Variants in GRAP2 observed in about 807,000 individuals in gnomAD.
GRAP2 encodes the protein GRB2 related adaptor protein 2.
Under a neutral mutation model 43.5 loss-of-function variants are expected in GRAP2, and 31 were observed. That is an observed-to-expected ratio of 0.71 (90% confidence interval 0.54 to 0.96). The LOEUF (loss-of-function observed/expected upper bound fraction) is 0.96, where lower values mean the gene tolerates loss of function less well. Ranked by LOEUF, GRAP2 falls within the 40% of genes least tolerant of loss-of-function variation. GRAP2 has a pLI of 0.00. For missense variants in GRAP2, 371 were observed against 424.4 expected, an observed-to-expected ratio of 0.87 and a Z score of 1.11; for synonymous variants, 156 against 164.8, an observed-to-expected ratio of 0.95 and a Z score of 0.41.
At chr22:39,894,860 C>T in the GRAP2 span, among the ~76,000 whole-genome samples, 1 of 152,156 alleles carries the variant, frequency 6.6e-6, no homozygotes, top group African/African-American at 2.4e-5. Flanking sequence ...GAGAAGAGAT[C>T]ATCTAATTCT....
intron 1 of GRAP2, among the ~76,000 whole-genome samples, chr22:39,927,804 A>G (rs1251067974): frequency 6.6e-6 from 1 of 152,156 alleles, no homozygotes. Flanking sequence ...CAATGGCTAC[A>G]ACAGGGTAAG....
chr22:39,960,358 A>G, intron 4 of GRAP2, 184 bp downstream of exon 4: 1 of 582,526 alleles, frequency 1.7e-6, no homozygotes, highest in Non-Finnish European at 3.1e-6. Context: ...TGCACACACC[A>G]CTCTTTAGAA....
chr22:39,959,828 C>T (rs1205588215), intron 3 of GRAP2, among the ~76,000 whole-genome samples: 3 of 152,204 alleles, frequency 2.0e-5, no homozygotes, highest in Admixed American at 6.5e-5. Flanking sequence ...AGAGAGACTT[C>T]TCCTGGAGAG....
rs574704178 is a variant in GRAP2 at position 39,941,917 on chromosome 22, G to A, written c.-14-5176G>A. ...AGTGCTTGAGGAGTTCAGAGGAGGG[G>A]AAACAAATGTTTATTTGGCCCACAG... On this transcript the variant is annotated intron_variant, in intron 1 of 7. Transcript: ENST00000344138. Among the ~76,000 whole-genome samples, 5 of 152,202 alleles carry A rather than the reference G, an allele frequency of 3.3e-5. 1 individual carries two copies. In the South Asian group the frequency reaches 1.0e-3, roughly 32 times the overall value.
At chr22:39,903,206 G>A (rs2066503631) in intron 1 of GRAP2, among the ~76,000 whole-genome samples, 1 of 152,064 alleles carries the variant, frequency 6.6e-6, no homozygotes, top group Non-Finnish European at 1.5e-5. Flanking sequence ...TAATCCTGGG[G>A]GCAGATGATT....
chr22:39,965,787 G>A (rs1601742827), intron 4 of GRAP2, among the ~76,000 whole-genome samples: 1 of 152,186 alleles, frequency 6.6e-6, no homozygotes, highest in African/African-American at 2.4e-5. Context: ...ATCCCGTCTA[G>A]CATAGCCTGT....
Position 39,968,152 on chromosome 22 carries a change from C to G in GRAP2, c.570C>G (p.Pro190=). The G allele has an allele frequency of 6.2e-7, 1 of 1,607,094 alleles. No individual in the cohort carries two copies. Among genetic ancestry groups the G allele is most frequent in the East Asian group, 2.3e-5 (1 of 44,370 alleles). The change falls in exon 6 of 8, where the codon CCC becomes CCG. Residue 190 remains proline, a synonymous_variant. Transcript: ENST00000344138. ...TGAACCGGAAGCTGTCGGATCACCC[C>G]CCGACCCTTCCCCTGCAGCAGCACC... ...PSMNRKLSDH[P]PTLPLQQHQH... is the part of the protein sequence containing the mutation.
intron 1 of GRAP2, among the ~76,000 whole-genome samples, chr22:39,905,261 T>G (rs1056415383): frequency 6.6e-6 from 1 of 152,192 alleles, no homozygotes; most frequent in Non-Finnish European, 1.5e-5. Flanking sequence ...GATTATTTCA[T>G]TGGAGTTCAT....
At chr22:39,959,259 C>T (rs2067090404) in intron 3 of GRAP2, among the ~76,000 whole-genome samples, 1 of 152,242 alleles carries the variant, frequency 6.6e-6, no homozygotes, top group Non-Finnish European at 1.5e-5. Context: ...TTCATACATG[C>T]CACGCTGTAT....
At chr22:39,952,463 G>C (rs1263707278) in intron 2 of GRAP2, among the ~76,000 whole-genome samples, 1 of 152,176 alleles carries the variant, frequency 6.6e-6, no homozygotes, top group Non-Finnish European at 1.5e-5. Context: ...CATGAATTCA[G>C]AAGCGATGGA....
chr22:39,916,977 C>G (rs2066608519), intron 1 of GRAP2, among the ~76,000 whole-genome samples: 1 of 152,066 alleles, frequency 6.6e-6, no homozygotes, highest in Non-Finnish European at 1.5e-5. Context: ...ATGTGATGCA[C>G]TTCTAAACTA....
At chr22:39,952,622 T>G (rs1461988020) in intron 2 of GRAP2, among the ~76,000 whole-genome samples, 1 of 152,182 alleles carries the variant, frequency 6.6e-6, no homozygotes, top group Non-Finnish European at 1.5e-5. Flanking sequence ...GCAGTCACAT[T>G]TGATGTTAGA....
At chr22:39,912,456 G>A (rs777613925) in intron 1 of GRAP2, among the ~76,000 whole-genome samples, 13 of 152,176 alleles carry the variant, frequency 8.5e-5, no homozygotes, top group Non-Finnish European at 1.6e-4. Context: ...CTGGGTTCTT[G>A]TGGAGCAGGG....
chr22:39,926,329 T>C (rs1453186632), intron 1 of GRAP2, among the ~76,000 whole-genome samples: 2 of 152,198 alleles, frequency 1.3e-5, no homozygotes, highest in Non-Finnish European at 2.9e-5. Context: ...GCATAAATTA[T>C]ACATGTGAAG....
intron 1 of GRAP2, among the ~76,000 whole-genome samples, chr22:39,908,550 C>CA (rs1420500305): frequency 6.6e-6 from 1 of 152,114 alleles, no homozygotes; most frequent in Non-Finnish European, 1.5e-5. Flanking sequence ...TCAAAGGGTA[C>CA]AAAACCTTCT....
intron 6 of GRAP2, among the ~76,000 whole-genome samples, 191 bp from the exon 7 acceptor site, chr22:39,969,220 C>T (rs2067212035): frequency 6.6e-6 from 1 of 152,198 alleles, no homozygotes; most frequent in African/African-American, 2.4e-5. Context: ...CTGCCTTTGC[C>T]TTCTTTGCCT....
intron 1 of GRAP2, among the ~76,000 whole-genome samples, chr22:39,933,123 A>G (rs140644881): frequency 6.9e-6 from 1 of 144,586 alleles, no homozygotes; most frequent in East Asian, 1.9e-4. Flanking sequence ...AGTTGAAATT[A>G]GACCCGGTGC....
upstream of GRAP2, among the ~76,000 whole-genome samples, chr22:39,897,175 T>C (rs1054168616): frequency 6.6e-5 from 10 of 152,176 alleles, no homozygotes; most frequent in African/African-American, 2.4e-4. Flanking sequence ...TGGTCTTGCC[T>C]TCCAAACCTT....
intron 1 of GRAP2, among the ~76,000 whole-genome samples, chr22:39,907,444 C>G (rs2066531019): frequency 1.3e-5 from 2 of 152,210 alleles, no homozygotes. Context: ...TTATTGTACA[C>G]TGATCCTGAT....
Sources: gnomAD v4.1 joint callset for allele counts (sites outside exome capture counted in the v4.1 genomes callset) on GRCh38, gnomAD v4.1.1 for gene constraint, MANE v1.5 for transcripts, NCBI Gene and HGNC (gene_info 2026-07-23, HGNC 2026-07-21) for gene names.